The following SLC24A2 variants were observed in gnomAD, a reference collection of about 807,000 sequenced individuals.
SLC24A2 encodes the protein sodium/potassium/calcium exchanger 2.
SLC24A2 carries 36 observed loss-of-function variants against 62.0 expected under a neutral mutation model. The ratio of observed to expected loss-of-function variants is 0.58; its 90% CI spans 0.44 to 0.77. The LOEUF is 0.77. SLC24A2 is among the 30% of genes least tolerant of loss of function. The pLI is 0.00. For synonymous variants in SLC24A2, 358 were observed against 294.0 expected (o/e 1.22, Z -2.23); for missense variants, 846 against 817.9 (o/e 1.03, Z -0.42).
At chr9:20,105,557 C>G in the SLC24A2 span, among the ~76,000 whole-genome samples, 8 of 152,012 alleles carry the variant, frequency 5.3e-5, no homozygotes, top group Non-Finnish European at 8.8e-5. Context: ...CTCAAAACCA[C>G]TCAACTACAT....
At chr9:20,018,297 C>A in the SLC24A2 span, among the ~76,000 whole-genome samples, 1 of 152,206 alleles carries the variant, frequency 6.6e-6, no homozygotes, top group African/African-American at 2.4e-5. Context: ...TTAACCATCA[C>A]AGAGTGATTG....
At chr9:19,567,471 GGGA>G (rs1457268964) in intron 7 of SLC24A2, among the ~76,000 whole-genome samples, 13 of 149,330 alleles carry the variant, frequency 8.7e-5, no homozygotes, top group African/African-American at 3.0e-4. Context: ...GCGTGAACCC[GGGA>G]GGCGGAGCTT....
chr9:19,619,804 A>G, intron 3 of SLC24A2, 112 bp from the exon 4 acceptor site: 1 of 799,970 alleles, frequency 1.3e-6, no homozygotes, highest in Non-Finnish European at 2.2e-6. Flanking sequence ...ATGATCACAC[A>G]GTATTGAGCC....
At chr9:20,223,573 T>C in the SLC24A2 span, among the ~76,000 whole-genome samples, 1 of 152,164 alleles carries the variant, frequency 6.6e-6, no homozygotes, top group Non-Finnish European at 1.5e-5. Flanking sequence ...CTATCAAATA[T>C]AATTTATCAT....
chr9:19,777,645 T>C (rs1215855452), intron 2 of SLC24A2, among the ~76,000 whole-genome samples: 1 of 152,158 alleles, frequency 6.6e-6, no homozygotes, highest in East Asian at 1.9e-4. Flanking sequence ...TTCAATATGG[T>C]AAATATAAAA....
the SLC24A2 span, among the ~76,000 whole-genome samples, chr9:19,895,546 C>CTTTCT: frequency 0.024 from 3,214 of 135,278 alleles, 113 homozygotes; most frequent in African/African-American, 0.074. Context: ...TTCTTTCTTT[C>CTTTCT]TTTTTTTTTT....
the SLC24A2 span, among the ~76,000 whole-genome samples, chr9:20,046,024 G>A: frequency 1.3e-5 from 2 of 152,158 alleles, no homozygotes; most frequent in African/African-American, 4.8e-5. Flanking sequence ...GGCTGGCCAG[G>A]CTCCTAGCTG....
the SLC24A2 span, among the ~76,000 whole-genome samples, chr9:20,126,570 C>T: frequency 6.6e-6 from 1 of 152,156 alleles, no homozygotes; most frequent in African/African-American, 2.4e-5. Flanking sequence ...ATACAATTGA[C>T]ACAATTGAAC....
chr9:19,533,491 G>A (rs1036983595), intron 8 of SLC24A2, among the ~76,000 whole-genome samples: 1 of 152,202 alleles, frequency 6.6e-6, no homozygotes, highest in African/African-American at 2.4e-5. Context: ...GGAAGTGACA[G>A]CGTGCAAATT....
chr9:19,900,218 A>G, the SLC24A2 span, among the ~76,000 whole-genome samples: 3 of 152,154 alleles, frequency 2.0e-5, no homozygotes, highest in Non-Finnish European at 4.4e-5. Context: ...TTATTTATTC[A>G]TTTAGCCAGT....
At chr9:20,090,796 G>A in the SLC24A2 span, among the ~76,000 whole-genome samples, 2 of 152,314 alleles carry the variant, frequency 1.3e-5, no homozygotes, top group South Asian at 4.1e-4. Context: ...AATGGCAAGA[G>A]CGTCTGATGT....
At chr9:20,196,509 G>A in the SLC24A2 span, among the ~76,000 whole-genome samples, 1 of 152,132 alleles carries the variant, frequency 6.6e-6, no homozygotes, top group Non-Finnish European at 1.5e-5. Flanking sequence ...TTAAAATCGG[G>A]ATTTAGGACT....
the SLC24A2 span, among the ~76,000 whole-genome samples, chr9:20,075,777 T>C: frequency 6.6e-6 from 1 of 152,166 alleles, no homozygotes; most frequent in South Asian, 2.1e-4. Context: ...AATGGCCTAC[T>C]TTCTACCACC....
the SLC24A2 span, among the ~76,000 whole-genome samples, chr9:20,274,178 G>A: frequency 6.6e-6 from 1 of 152,138 alleles, no homozygotes; most frequent in Non-Finnish European, 1.5e-5. Flanking sequence ...GGTAGACAAT[G>A]AACAAATACA....
the SLC24A2 span, among the ~76,000 whole-genome samples, chr9:19,995,830 G>A: frequency 3.3e-5 from 5 of 152,196 alleles, no homozygotes. Flanking sequence ...TTCAACAGAT[G>A]GGGCAGGCAT....
intron 2 of SLC24A2, among the ~76,000 whole-genome samples, chr9:19,725,385 C>A (rs1821141832): frequency 6.6e-6 from 1 of 152,136 alleles, no homozygotes; most frequent in African/African-American, 2.4e-5. Flanking sequence ...CCAAATGTGC[C>A]TCCTCCAGAA....
intron 7 of SLC24A2, among the ~76,000 whole-genome samples, chr9:19,566,808 T>C (rs1369290498): frequency 6.6e-6 from 1 of 152,146 alleles, no homozygotes; most frequent in Non-Finnish European, 1.5e-5. Context: ...ATGTCCTTTG[T>C]AGGGACACGG....
the SLC24A2 span, among the ~76,000 whole-genome samples, chr9:20,288,071 C>T: frequency 6.6e-6 from 1 of 151,968 alleles, no homozygotes; most frequent in Non-Finnish European, 1.5e-5. Context: ...AATTTCCAGA[C>T]CATACGATGC....
the SLC24A2 span, among the ~76,000 whole-genome samples, chr9:20,218,219 C>T: frequency 6.6e-6 from 1 of 152,218 alleles, no homozygotes; most frequent in Non-Finnish European, 1.5e-5. Flanking sequence ...CACTTATTTG[C>T]TCCTGTTGGT....
Sources: gnomAD v4.1 joint callset for allele counts (sites outside exome capture counted in the v4.1 genomes callset) on GRCh38, gnomAD v4.1.1 for gene constraint, MANE v1.5 for transcripts, NCBI Gene and HGNC (gene_info 2026-07-23, HGNC 2026-07-21) for gene names.